PDGFD: variants seen among roughly 807,000 people sequenced by gnomAD.
PDGFD encodes platelet derived growth factor D, also known as platelet-derived growth factor D.
Under a neutral mutation model 44.7 loss-of-function variants are expected in PDGFD, and 30 were observed. The observed-to-expected ratio is 0.67, with a 90% CI of 0.50 to 0.91. The LOEUF (loss-of-function observed/expected upper bound fraction) is 0.91, where lower values mean the gene tolerates loss of function less well. Among genes scored for constraint, PDGFD ranks in the 40% least tolerant of loss-of-function variants. The probability of loss-of-function intolerance (pLI) is 0.00; values close to 1 mark genes in which losing one functional copy is unlikely to be tolerated. For synonymous variants in PDGFD, 173 were observed against 168.4 expected (o/e 1.03, Z -0.21); for missense variants, 445 against 457.8 (o/e 0.97, Z 0.25).
chr11:104,116,975 C>T (rs1002452533), intron 1 of PDGFD, among the ~76,000 whole-genome samples: 10 of 151,886 alleles, frequency 6.6e-5, no homozygotes, highest in African/African-American at 2.2e-4. Flanking sequence ...CTTTTTCTTC[C>T]CAGTCTCGAG....
At chr11:103,942,056 C>G (rs1858592414) in intron 5 of PDGFD, among the ~76,000 whole-genome samples, 1 of 152,054 alleles carries the variant, frequency 6.6e-6, no homozygotes, top group Admixed American at 6.6e-5. Context: ...TTTCTTGTCC[C>G]CCTCTTAGCT....
intron 1 of PDGFD, among the ~76,000 whole-genome samples, chr11:104,151,958 C>T (rs767843424): frequency 2.6e-5 from 4 of 152,002 alleles, no homozygotes; most frequent in Non-Finnish European, 4.4e-5. Context: ...GGTCACATAA[C>T]GGTGGCACTC....
chr11:104,123,084 A>G (rs930102961), intron 1 of PDGFD, among the ~76,000 whole-genome samples: 2 of 152,058 alleles, frequency 1.3e-5, no homozygotes, highest in African/African-American at 4.8e-5. Context: ...TTTTCCTAGG[A>G]ATTTCCATGG....
chr11:104,059,821 G>A (rs1438093007), intron 1 of PDGFD, among the ~76,000 whole-genome samples: 3 of 152,296 alleles, frequency 2.0e-5, no homozygotes, highest in Admixed American at 1.3e-4. Context: ...CTACTAAAAT[G>A]AGAACAGGAT....
intron 3 of PDGFD, among the ~76,000 whole-genome samples, chr11:103,960,050 T>G (rs1858912726): frequency 1.3e-5 from 2 of 152,202 alleles, no homozygotes; most frequent in Admixed American, 1.3e-4. Flanking sequence ...GTGAAAACAC[T>G]AGGCTTTGCA....
At chr11:104,037,054 G>C in intron 1 of PDGFD, 1 of 1,614,256 alleles carries the variant, frequency 6.2e-7, no homozygotes, top group Non-Finnish European at 8.5e-7. Context: ...ACTGCAGAAG[G>C]ACAATGTGGG....
chr11:103,941,414 C>G (rs948881442), intron 5 of PDGFD, among the ~76,000 whole-genome samples: 43 of 152,076 alleles, frequency 2.8e-4, no homozygotes, highest in African/African-American at 9.9e-4. Context: ...GTAGACATCA[C>G]AGGGACTACA....
intron 3 of PDGFD, among the ~76,000 whole-genome samples, chr11:103,966,395 A>G (rs772130739): frequency 6.6e-6 from 1 of 152,218 alleles, no homozygotes; most frequent in Non-Finnish European, 1.5e-5. Context: ...AGATTTCATC[A>G]AGATAAATAA....
chr11:104,138,513 A>T (rs773385977), intron 1 of PDGFD, among the ~76,000 whole-genome samples: 3 of 152,200 alleles, frequency 2.0e-5, no homozygotes, highest in Non-Finnish European at 4.4e-5. Flanking sequence ...AGCTCTTTAA[A>T]ACGGTGGTCC....
chr11:104,050,298 A>G (rs1860511749), intron 1 of PDGFD, among the ~76,000 whole-genome samples: 1 of 152,100 alleles, frequency 6.6e-6, no homozygotes, highest in Admixed American at 6.5e-5. Flanking sequence ...GTTCTGCTCT[A>G]TTTTCTCAGT....
At chr11:104,108,124 G>C (rs1208836134) in intron 1 of PDGFD, among the ~76,000 whole-genome samples, 2 of 152,088 alleles carry the variant, frequency 1.3e-5, no homozygotes, top group East Asian at 3.9e-4. Flanking sequence ...ACAATGTCCA[G>C]GGCAGGTAAT....
chr11:103,994,852 T>C (rs1262095249), intron 3 of PDGFD, among the ~76,000 whole-genome samples: 23 of 151,856 alleles, frequency 1.5e-4, no homozygotes, highest in Non-Finnish European at 1.5e-5. Context: ...TTGTGTCTTG[T>C]TATGCATCAT....
chr11:104,036,811 CG>C (rs1365012920), intron 1 of PDGFD: 35 of 1,607,300 alleles, frequency 2.2e-5, no homozygotes, highest in Non-Finnish European at 2.8e-5. Context: ...CCGGCCCGCC[CG>C]GGCCCCCGCC....
intron 1 of PDGFD, among the ~76,000 whole-genome samples, chr11:104,105,299 T>G (rs1192578868): frequency 6.6e-6 from 1 of 152,170 alleles, no homozygotes; most frequent in African/African-American, 2.4e-5. Context: ...GTCTTTATTA[T>G]AGTACACACA....
intron 1 of PDGFD, among the ~76,000 whole-genome samples, chr11:104,003,054 G>T (rs2134368750): frequency 6.6e-6 from 1 of 152,240 alleles, no homozygotes; most frequent in Middle Eastern, 3.4e-3. Context: ...GTTAGATCTG[G>T]ATAGAATTTA....
intron 3 of PDGFD, among the ~76,000 whole-genome samples, chr11:103,977,374 G>T (rs1245993935): frequency 1.3e-5 from 2 of 152,020 alleles, no homozygotes; most frequent in African/African-American, 4.8e-5. Context: ...CCAAAACCTG[G>T]CAGAGACACA....
At chr11:103,962,488 G>A (rs1591096657) in intron 3 of PDGFD, among the ~76,000 whole-genome samples, 2 of 152,070 alleles carry the variant, frequency 1.3e-5, no homozygotes, top group East Asian at 1.9e-4. Context: ...TTTCATCAAA[G>A]GATCTCTGAG....
intron 1 of PDGFD, among the ~76,000 whole-genome samples, chr11:104,041,272 T>G (rs2134399153): frequency 6.6e-6 from 1 of 152,090 alleles, no homozygotes; most frequent in Non-Finnish European, 1.5e-5. Flanking sequence ...TGTAACCAAC[T>G]AAGAGCAAAA....
chr11:103,945,689 T>C (rs571321595), intron 4 of PDGFD: 4 of 152,236 alleles, frequency 2.6e-5, no homozygotes, highest in Non-Finnish European at 5.9e-5. Flanking sequence ...AGTGGCTGCA[T>C]GGAGTTCTCC....
Sources: gnomAD v4.1 joint callset for allele counts (sites outside exome capture counted in the v4.1 genomes callset) on GRCh38, gnomAD v4.1.1 for gene constraint, MANE v1.5 for transcripts, NCBI Gene and HGNC (gene_info 2026-07-23, HGNC 2026-07-21) for gene names.